PAPOLG: variants seen among roughly 807,000 people sequenced by gnomAD.
PAPOLG encodes the protein PAP-gamma.
A neutral mutation model predicts 99.0 loss-of-function variants in PAPOLG; 40 were observed. The observed-to-expected ratio is 0.40, with a 90% CI of 0.31 to 0.53. The LOEUF (loss-of-function observed/expected upper bound fraction) is 0.53. Among genes scored for constraint, PAPOLG ranks in the 20% least tolerant of loss-of-function variants. The pLI is 0.41. For missense variants in PAPOLG, 675 were observed against 884.1 expected, an observed-to-expected ratio of 0.76 and a Z score of 3.00; for synonymous variants, 310 against 299.3, an observed-to-expected ratio of 1.04 and a Z score of -0.37.
Position 60,801,823 on chromosome 2 carries a change from G to A in PAPOLG, c.*4663G>A, listed in dbSNP as rs145128074. 1.3e-5 allele frequency: 2 copies of A among 152,436 alleles called. No individual in the cohort carries two copies. Among genetic ancestry groups the A allele is most frequent in the East Asian group, 1.9e-4 (1 of 5,324 alleles). 9.4% of individuals were successfully genotyped at this position (152,436 alleles called of 1,614,324 possible). A position where few individuals can be genotyped will look rare whatever the true frequency, so the allele number is the denominator to read the frequency against. On this transcript the variant is annotated 3_prime_UTR_variant, in exon 22 of 22. Transcript: ENST00000238714. Reference sequence around the variant, plus strand: ...AAGATGATCATCAAGCTTGCTATAAGTTTTAAGCTATTGCTACATTTGAAC... The same window carrying A: ...AAGATGATCATCAAGCTTGCTATAAATTTTAAGCTATTGCTACATTTGAAC...
chr2:60,793,044 CA>C (rs1671587813), intron 17 of PAPOLG, among the ~76,000 whole-genome samples: 1 of 151,244 alleles, frequency 6.6e-6, no homozygotes, highest in Non-Finnish European at 1.5e-5. Context: ...CTCAAAAAAA[CA>C]AAAACAAAAA....
At chr2:60,780,886 A>G (rs888414315) in intron 10 of PAPOLG, 107 bp downstream of exon 10, 6 of 917,276 alleles carry the variant, frequency 6.5e-6, no homozygotes, top group African/African-American at 3.3e-5. Context: ...TCTTCCTTCT[A>G]TATAACTATA....
At chr2:60,764,799 A>C (rs1670624931) in intron 3 of PAPOLG, among the ~76,000 whole-genome samples, 1 of 151,972 alleles carries the variant, frequency 6.6e-6, no homozygotes, top group Non-Finnish European at 1.5e-5. Context: ...GGTTCTTTTA[A>C]ACAGTGGGCT....
Position 60,779,660 on chromosome 2 carries a change from C to G in PAPOLG, c.718C>G (p.Leu240Val). Residue 240 changes from leucine to valine, a missense_variant, in exon 9 of 22, where the codon CTA (leucine) becomes GTA (valine). Physicochemically the swap from Leu to Val is conservative, Grantham distance 32. Transcript: ENST00000238714. ...AGGACGTGGTATTTATTCCAACATG[C>G]TAGGATTCCTTGGTGGTGTCTCCTG... ...AKRRGIYSNM[L>V]GFLGGVSWAM... The G allele has an allele frequency of 6.2e-7, 1 of 1,612,534 alleles. No homozygotes were observed. The highest frequency in any genetic ancestry group is 1.7e-4 in the Middle Eastern group (1 of 6,054).
At chr2:60,782,110 C>G (rs1671207216) in intron 11 of PAPOLG, 105 bp downstream of exon 11, 1 of 1,174,200 alleles carries the variant, frequency 8.5e-7, no homozygotes, top group African/African-American at 1.5e-5. Flanking sequence ...TATACCTATT[C>G]TTTCTAAAAA....
chr2:60,758,438 T>C lies in PAPOLG; in HGVS notation c.18-1696T>C, dbSNP rs1358479118. On this transcript the variant is annotated intron_variant, in intron 1 of 21. Transcript: ENST00000238714. ...CCTAATGAGATTTTTTTTTTTTTTT[T>C]TTTTTTGAGACGGAGTTTCGCTCTT... Among the ~76,000 whole-genome samples, 13 of 147,930 alleles carry C rather than the reference T, an allele frequency of 8.8e-5. No homozygotes were observed. The East Asian group carries it at 2.5e-3, about 29-fold the overall frequency.
chr2:60,789,993 C>T (rs565067941), intron 15 of PAPOLG, among the ~76,000 whole-genome samples: 10 of 152,318 alleles, frequency 6.6e-5, no homozygotes, highest in African/African-American at 2.2e-4. Flanking sequence ...ATTCCAGAGG[C>T]TAAGGCAGGA....
chr2:60,762,285 C>A (rs60510271), intron 3 of PAPOLG, among the ~76,000 whole-genome samples: 1 of 151,974 alleles, frequency 6.6e-6, no homozygotes, highest in Admixed American at 6.6e-5. Context: ...TGCTTGGTTC[C>A]TAAGACATAG....
chr2:60,787,090 T>A, intron 14 of PAPOLG, 24 bp downstream of exon 14: 2 of 1,521,248 alleles, frequency 1.3e-6, no homozygotes, highest in Non-Finnish European at 1.8e-6. Flanking sequence ...TTTATAATAC[T>A]TTATTTCTTA....
intron 14 of PAPOLG, 122 bp downstream of exon 14, chr2:60,787,188 ATTTGAG>A: frequency 1.1e-6 from 1 of 942,364 alleles, no homozygotes; most frequent in Non-Finnish European, 1.5e-6. Context: ...CACATTATAT[ATTTGAG>A]TTTGAGTGTC....
At chr2:60,778,534 A>G (rs959331767) in intron 8 of PAPOLG, among the ~76,000 whole-genome samples, 14 of 152,050 alleles carry the variant, frequency 9.2e-5, no homozygotes, top group Admixed American at 3.9e-4. Context: ...AGTATTGATC[A>G]TGTTGATGAT....
Position 60,797,205 on chromosome 2 carries a change from C to T in PAPOLG, c.*45C>T. The T allele has an allele frequency of 6.2e-7, 1 of 1,602,016 alleles. No individual in the cohort carries two copies. On this transcript the variant is annotated 3_prime_UTR_variant, in exon 22 of 22. Coordinates refer to ENST00000238714, the MANE Select transcript of PAPOLG (RefSeq NM_022894.4). ...AAGTGAACAAGCAATCATTTAGTGG[C>T]ATAGATGCAGCCACTTGTTTTTTAA...
At chr2:60,756,745 A>G (rs899075616) in intron 1 of PAPOLG, among the ~76,000 whole-genome samples, 13 of 152,086 alleles carry the variant, frequency 8.5e-5, no homozygotes, top group Non-Finnish European at 1.6e-4. Flanking sequence ...GCCCTCAGAA[A>G]AGGATGAGGA....
intron 1 of PAPOLG, among the ~76,000 whole-genome samples, chr2:60,756,958 TAC>T (rs976192687): frequency 9.2e-5 from 14 of 151,904 alleles, no homozygotes; most frequent in Non-Finnish European, 1.8e-4. Flanking sequence ...CATATGAGGC[TAC>T]AGTCTTTTCA....
At position 60,771,578 on chromosome 2, in the gene PAPOLG, A is replaced by G; in HGVS notation, c.552A>G (p.Arg184=). The part of the protein sequence containing the change: ...IQTISDNLDL[R]DDSRLRSLDI... ...CCATATCAGATAATTTAGATCTAAG[A>G]GACGACTCTCGCCTGAGAAGCCTTG... The change falls in exon 7 of 22, where the codon AGA becomes AGG. Residue 184 remains arginine (R), a synonymous_variant. Transcript: ENST00000238714. 1.2e-6 allele frequency: 2 copies of G among 1,609,024 alleles called. No individual in the cohort carries two copies. The highest frequency in any genetic ancestry group is 1.7e-6 in the Non-Finnish European group (2 of 1,178,764).
chr2:60,760,387 C>A (rs1670488998), intron 2 of PAPOLG, 92 bp downstream of exon 2: 3 of 1,244,236 alleles, frequency 2.4e-6, no homozygotes, highest in Non-Finnish European at 3.4e-6. Flanking sequence ...TCTCTAGATA[C>A]AGGTGCAGAA....
chr2:60,760,365 A>G, intron 2 of PAPOLG, 70 bp downstream of exon 2: 1 of 1,396,844 alleles, frequency 7.2e-7, no homozygotes, highest in Non-Finnish European at 1.0e-6. Flanking sequence ...AACATATTGA[A>G]TACCTACTGT....
In PAPOLG at chr2:60,794,974, G is replaced by C. The variant is rs1321071729; in HGVS notation, c.2066G>C (p.Gly689Ala). The C allele has an allele frequency of 6.2e-7, 1 of 1,613,384 alleles. No individual in the cohort carries two copies. Reference sequence around the variant, plus strand: ...TTCTTCTGTTTTTAGGATGCCATTGGAGGAGAATCTATGCCTATTCCAACT... The same window carrying C: ...TTCTTCTGTTTTTAGGATGCCATTGCAGGAGAATCTATGCCTATTCCAACT... The part of the protein sequence containing the change: ...ERKRKSVDAI[G>A]GESMPIPTID... Residue 689 changes from glycine to alanine, a missense_variant, in exon 21 of 22, where the codon GGA becomes GCA. Gly to Ala is a moderately conservative substitution (Grantham distance 60). Around this residue, in one of 3 missense-constraint regions of PAPOLG, gnomAD observed 413 missense variants for 460.5 expected, o/e 0.90. Coordinates refer to ENST00000238714, the MANE Select transcript of PAPOLG (RefSeq NM_022894.4).
chr2:60,799,520 G>C lies in PAPOLG; in HGVS notation c.*2360G>C, dbSNP rs1455319206. On this transcript the variant is annotated 3_prime_UTR_variant, in exon 22 of 22. Transcript: ENST00000238714. ...GTACATTTCGTTAACTTGGTGGGAA[G>C]CTTCCATTGTACTAGTTCCAAGTAA... 1 of 152,376 alleles carries C rather than the reference G, an allele frequency of 6.6e-6. No individual in the cohort carries two copies. Among genetic ancestry groups the C allele is most frequent in the Non-Finnish European group, 1.5e-5 (1 of 68,054 alleles). The allele number at this position is 152,376 out of a possible 1,614,324, so 9.4% of individuals were successfully genotyped here. A position where few individuals can be genotyped will look rare whatever the true frequency, so the allele number is the denominator to read the frequency against.
Sources: allele counts gnomAD v4.1 joint callset (sites outside exome capture counted in the v4.1 genomes callset), GRCh38; gene constraint gnomAD v4.1.1; regional missense constraint gnomAD v4.1.1; transcripts MANE v1.5; gene names NCBI Gene and HGNC (gene_info 2026-07-23, HGNC 2026-07-21).